The following ELOVL6 variants were observed in gnomAD, a reference collection of about 807,000 sequenced individuals.
ELOVL6 encodes ELOVL fatty acid elongase 6.
ELOVL6 carries 8 observed loss-of-function variants against 31.7 expected under a neutral mutation model. The ratio of observed to expected loss-of-function variants is 0.25; its 90% CI spans 0.15 to 0.45. The LOEUF is 0.45. ELOVL6 is among the 20% of genes least tolerant of loss of function. ELOVL6 has a pLI of 1.00. For missense variants in ELOVL6, 126 were observed against 326.4 expected (o/e 0.39, Z 4.73); for synonymous variants, 101 against 117.7 (o/e 0.86, Z 0.92).
intron 1 of ELOVL6, among the ~76,000 whole-genome samples, chr4:110,109,331 T>C (rs1285945932): frequency 1.3e-5 from 2 of 152,150 alleles, no homozygotes; most frequent in Non-Finnish European, 2.9e-5. Context: ...TACTTTTCAG[T>C]GTGGTGATTC....
chr4:110,073,193 C>T (rs1258554730), intron 2 of ELOVL6, among the ~76,000 whole-genome samples: 1 of 152,130 alleles, frequency 6.6e-6, no homozygotes, highest in Non-Finnish European at 1.5e-5. Flanking sequence ...TTATCATCTC[C>T]ATACCACACG....
chr4:110,147,741 T>A (rs1381928873), intron 1 of ELOVL6, among the ~76,000 whole-genome samples: 1 of 150,266 alleles, frequency 6.7e-6, no homozygotes, highest in Non-Finnish European at 1.5e-5. Flanking sequence ...CAGTGAGCAG[T>A]GACTGAGCCA....
At chr4:110,186,440 G>A (rs1759442848) in intron 1 of ELOVL6, among the ~76,000 whole-genome samples, 1 of 151,902 alleles carries the variant, frequency 6.6e-6, no homozygotes, top group Admixed American at 6.6e-5. Flanking sequence ...GTCCTCTTCT[G>A]ATCAGACTCT....
intron 2 of ELOVL6, among the ~76,000 whole-genome samples, chr4:110,077,601 T>C (rs1294970250): frequency 6.6e-6 from 1 of 151,950 alleles, no homozygotes; most frequent in Non-Finnish European, 1.5e-5. Flanking sequence ...GTCACCATCG[T>C]CAAAGACCAA....
chr4:110,137,103 T>C (rs1757833317), intron 1 of ELOVL6, among the ~76,000 whole-genome samples: 2 of 152,190 alleles, frequency 1.3e-5, no homozygotes, highest in Admixed American at 6.5e-5. Context: ...ATAATAAAAC[T>C]AGTTTCTTTG....
Position 110,106,681 on chromosome 4 carries a change from A to G in ELOVL6, c.90-1053T>C, listed in dbSNP as rs554969558. 2.6e-5 allele frequency among the ~76,000 whole-genome samples: 4 copies of G among 152,268 alleles called. No homozygotes were observed. In the East Asian group the frequency reaches 7.7e-4, roughly 29 times the overall value. On this transcript the variant is annotated intron_variant, in intron 1 of 3. Coordinates refer to ENST00000302274, the MANE Select transcript of ELOVL6 (RefSeq NM_024090.3). ...CTTCTTAACTATATCCTGTTTTATC[A>G]GCAGGGTCTTTGTGACCCGTATCTT...
chr4:110,119,284 C>G (rs867999182), intron 1 of ELOVL6, among the ~76,000 whole-genome samples: 1 of 150,992 alleles, frequency 6.6e-6, no homozygotes, highest in Non-Finnish European at 1.5e-5. Flanking sequence ...TGACAGAGTG[C>G]GTCTCCATCT....
At chr4:110,079,279 G>C (rs2070833333) in intron 2 of ELOVL6, among the ~76,000 whole-genome samples, 1 of 152,154 alleles carries the variant, frequency 6.6e-6, no homozygotes, top group South Asian at 2.1e-4. Flanking sequence ...CAAATCAACA[G>C]AATATACATT....
chr4:110,186,822 A>AAATATATAT (rs1553963193), intron 1 of ELOVL6, among the ~76,000 whole-genome samples: 4 of 59,416 alleles, frequency 6.7e-5, no homozygotes, highest in Non-Finnish European at 1.2e-4. Context: ...AAAAAAAAAA[A>AAATATATAT]ATATATATAT....
At chr4:110,071,358 C>CTTG (rs1755474837) in intron 2 of ELOVL6, among the ~76,000 whole-genome samples, 1 of 152,216 alleles carries the variant, frequency 6.6e-6, no homozygotes, top group South Asian at 2.1e-4. Flanking sequence ...TTCACACATA[C>CTTG]TTGTAAGCAC....
Position 110,074,822 on chromosome 4 carries a change from C to T in ELOVL6, c.222-15068G>A, listed in dbSNP as rs1211224209. 2.0e-5 allele frequency among the ~76,000 whole-genome samples: 3 copies of T among 152,276 alleles called. No individual in the cohort carries two copies. The East Asian group carries it at 5.8e-4, about 29-fold the overall frequency. ...AGGAAGTGGGTAAGCCCTGCGCTGG[C>T]TCTCCTTCCCGTAACTGGCCTTGGC... On this transcript the variant is annotated intron_variant, in intron 2 of 3. Transcript: ENST00000302274.
chr4:110,107,406 G>A (rs908561094), intron 1 of ELOVL6, among the ~76,000 whole-genome samples: 3 of 152,162 alleles, frequency 2.0e-5, no homozygotes, highest in East Asian at 1.9e-4. Context: ...AGGCATCTGT[G>A]TACAGTAAAC....
chr4:110,162,577 C>T (rs968486427), intron 1 of ELOVL6, among the ~76,000 whole-genome samples: 4 of 42,604 alleles, frequency 9.4e-5, no homozygotes, highest in African/African-American at 9.4e-4. Context: ...CTCCTAGGCT[C>T]ATGCAATCCC....
At chr4:110,135,672 C>T (rs1250348833) in intron 1 of ELOVL6, among the ~76,000 whole-genome samples, 3 of 152,154 alleles carry the variant, frequency 2.0e-5, no homozygotes, top group African/African-American at 7.2e-5. Flanking sequence ...CTCTCTTTCC[C>T]TTCTGTCTCC....
At chr4:110,158,807 C>T (rs1182070936) in intron 1 of ELOVL6, among the ~76,000 whole-genome samples, 1 of 151,520 alleles carries the variant, frequency 6.6e-6, no homozygotes, top group East Asian at 1.9e-4. Flanking sequence ...ACTACAGGCG[C>T]ATGCCACTAT....
At chr4:110,166,859 T>C (rs1308795520) in intron 1 of ELOVL6, among the ~76,000 whole-genome samples, 1 of 152,226 alleles carries the variant, frequency 6.6e-6, no homozygotes, top group African/African-American at 2.4e-5. Context: ...TTCTATACTA[T>C]AGTTACTATA....
intron 1 of ELOVL6, among the ~76,000 whole-genome samples, chr4:110,120,133 G>T (rs1348365482): frequency 6.6e-6 from 1 of 152,074 alleles, no homozygotes; most frequent in Non-Finnish European, 1.5e-5. Flanking sequence ...ATGCATTATG[G>T]GGAAATGTGT....
At chr4:110,181,446 CTAAA>C (rs1292738924) in intron 1 of ELOVL6, among the ~76,000 whole-genome samples, 1 of 151,908 alleles carries the variant, frequency 6.6e-6, no homozygotes, top group Non-Finnish European at 1.5e-5. Flanking sequence ...GAGACCCTGT[CTAAA>C]TAAATAAATA....
At chr4:110,052,288 T>C (rs1754855838) in intron 3 of ELOVL6, among the ~76,000 whole-genome samples, 1 of 152,212 alleles carries the variant, frequency 6.6e-6, no homozygotes, top group South Asian at 2.1e-4. Flanking sequence ...ATAATTTTTC[T>C]TTGGTACATG....
Sources: allele counts gnomAD v4.1 joint callset (sites outside exome capture counted in the v4.1 genomes callset), GRCh38; gene constraint gnomAD v4.1.1; transcripts MANE v1.5; gene names NCBI Gene and HGNC (gene_info 2026-07-23, HGNC 2026-07-21).